Variants in DOK5 observed in about 807,000 individuals in gnomAD.
DOK5 encodes the protein docking protein 5, also known as downstream of tyrosine kinase 5.
Under a neutral mutation model 43.3 loss-of-function variants are expected in DOK5, and 27 were observed. The observed-to-expected ratio is 0.62, with a 90% CI of 0.46 to 0.86. DOK5 has a LOEUF of 0.86. Among genes scored for constraint, DOK5 ranks in the 40% least tolerant of loss-of-function variants. The pLI is 0.00. For missense variants in DOK5, 373 were observed against 392.9 expected (o/e 0.95, Z 0.43); for synonymous variants, 146 against 140.1 (o/e 1.04, Z -0.30).
Position 54,591,654 on chromosome 20 carries a change from G to A in DOK5, c.448G>A (p.Asp150Asn). 1.9e-6 allele frequency: 3 copies of A among 1,612,772 alleles called. No individual in the cohort carries two copies. The highest frequency in any genetic ancestry group is 2.5e-6 in the Non-Finnish European group (3 of 1,179,544). ...NVYLMPSPNLDVHGECALQIT... is the reference protein window; with the variant it reads ...NVYLMPSPNLNVHGECALQIT... ...GTATTTGATGCCATCTCCTAACTTA[G>A]ATGTACATGGCGAATGTGCCTTGCA... Residue 150 changes from aspartate to asparagine, a missense_variant, in exon 5 of 8, where the codon GAT becomes AAT. By Grantham distance (23) the Asp-to-Asn change is conservative (BLOSUM62 1). Coordinates refer to ENST00000262593, the MANE Select transcript of DOK5 (RefSeq NM_018431.5).
chr20:54,503,923 G>A (rs111397952), intron 1 of DOK5, among the ~76,000 whole-genome samples: 202 of 152,316 alleles, frequency 1.3e-3, no homozygotes, highest in African/African-American at 3.5e-3. Context: ...CAAAGATGGG[G>A]TCATCTTGTA....
intron 1 of DOK5, among the ~76,000 whole-genome samples, chr20:54,515,882 G>A (rs986337880): frequency 6.6e-6 from 1 of 152,212 alleles, no homozygotes; most frequent in African/African-American, 2.4e-5. Flanking sequence ...GTGATGGCAT[G>A]AATGTTCAAC....
intron 2 of DOK5, among the ~76,000 whole-genome samples, chr20:54,565,791 G>C (rs1376919761): frequency 6.6e-6 from 1 of 152,148 alleles, no homozygotes; most frequent in African/African-American, 2.4e-5. Flanking sequence ...GGGAGGCCGA[G>C]GCAGGCGGAT....
intron 1 of DOK5, among the ~76,000 whole-genome samples, chr20:54,480,276 G>A (rs911990516): frequency 6.6e-6 from 1 of 152,086 alleles, no homozygotes; most frequent in Non-Finnish European, 1.5e-5. Context: ...ATAGGAGGTC[G>A]GCACAAGATA....
At chr20:54,528,818 T>A (rs1983666371) in intron 1 of DOK5, among the ~76,000 whole-genome samples, 1 of 152,146 alleles carries the variant, frequency 6.6e-6, no homozygotes, top group Non-Finnish European at 1.5e-5. Context: ...CTTTATATAC[T>A]TTTGTACTGT....
At chr20:54,647,521 A>C (rs894199761) in intron 7 of DOK5, among the ~76,000 whole-genome samples, 5 of 150,900 alleles carry the variant, frequency 3.3e-5, no homozygotes, top group South Asian at 4.1e-4. Flanking sequence ...AAAAAAAAAA[A>C]AACAAAAAAA....
chr20:54,588,349 A>G (rs1568797799), intron 2 of DOK5, 134 bp from the exon 3 acceptor site: 3 of 677,374 alleles, frequency 4.4e-6, no homozygotes, highest in African/African-American at 1.8e-5. Flanking sequence ...CTTAGCTTTC[A>G]GATGTAGATA....
chr20:54,637,148 C>CAGAA lies in DOK5; in HGVS notation c.736-6310_736-6309insAGAA, dbSNP rs879448142. Among the ~76,000 whole-genome samples, 771 of 152,334 alleles carry CAGAA rather than the reference C, an allele frequency of 5.1e-3. 5 individuals are homozygous for CAGAA. Among genetic ancestry groups the CAGAA allele is most frequent in the Non-Finnish European group, 8.0e-3 (545 of 68,024 alleles). ...CCATGAAGCAAAGCGTCTTCTGCTT[C>CAGAA]TACATTGTAACATGGGTCTCGTACT... is the stretch of plus-strand genomic sequence containing the variant. On this transcript the variant is annotated intron_variant, in intron 6 of 7. Coordinates refer to ENST00000262593, the MANE Select transcript of DOK5 (RefSeq NM_018431.5).
At chr20:54,601,860 T>A (rs530136329) in intron 5 of DOK5, among the ~76,000 whole-genome samples, 1 of 152,386 alleles carries the variant, frequency 6.6e-6, no homozygotes, top group East Asian at 1.9e-4. Flanking sequence ...TAGTTTTTCT[T>A]TAATTAAAGC....
At chr20:54,575,005 C>T (rs1217382385) in intron 2 of DOK5, among the ~76,000 whole-genome samples, 1 of 152,158 alleles carries the variant, frequency 6.6e-6, no homozygotes, top group East Asian at 1.9e-4. Context: ...CATGTGAAGT[C>T]CTCAACATCA....
At chr20:54,620,575 A>G (rs1454989551) in intron 6 of DOK5, among the ~76,000 whole-genome samples, 1 of 152,202 alleles carries the variant, frequency 6.6e-6, no homozygotes, top group Non-Finnish European at 1.5e-5. Context: ...CCATTTAAAT[A>G]AGGAGTTTTA....
rs183238296 is a variant in DOK5, at chr20:54,560,454, A to G, written c.174+5414A>G. Among the ~76,000 whole-genome samples, 161 of 152,306 alleles carry G rather than the reference A, an allele frequency of 1.1e-3. 1 individual carries two copies. The highest frequency in any genetic ancestry group is 3.0e-3 in the Admixed American group (46 of 15,296). On this transcript the variant is annotated intron_variant, in intron 2 of 7. Transcript: ENST00000262593. ...AAATAATTCCATATCCACATTTCTA[A>G]GGCTTAGGTAAATTAGATAAAAGAG... is the stretch of plus-strand genomic sequence containing the variant.
intron 2 of DOK5, among the ~76,000 whole-genome samples, chr20:54,569,447 T>C (rs1600708043): frequency 6.6e-6 from 1 of 152,298 alleles, no homozygotes; most frequent in African/African-American, 2.4e-5. Context: ...CCCAAATTGG[T>C]GGACAAAAAT....
intron 1 of DOK5, among the ~76,000 whole-genome samples, chr20:54,517,456 T>G (rs1311084365): frequency 6.6e-6 from 1 of 152,214 alleles, no homozygotes; most frequent in African/African-American, 2.4e-5. Flanking sequence ...GTTTCATATG[T>G]TTTAGTTTAA....
chr20:54,576,712 C>T (rs1985464363), intron 2 of DOK5, among the ~76,000 whole-genome samples: 1 of 152,152 alleles, frequency 6.6e-6, no homozygotes, highest in Non-Finnish European at 1.5e-5. Flanking sequence ...TGGCAGCCTG[C>T]GTGGGCTTTA....
chr20:54,599,858 A>C (rs1986254385), intron 5 of DOK5, among the ~76,000 whole-genome samples: 1 of 152,350 alleles, frequency 6.6e-6, no homozygotes, highest in East Asian at 1.9e-4. Flanking sequence ...TAAGCACTGC[A>C]GATGTAGCAG....
intron 6 of DOK5, among the ~76,000 whole-genome samples, chr20:54,631,603 C>T (rs1232104248): frequency 6.6e-6 from 1 of 151,988 alleles, no homozygotes; most frequent in African/African-American, 2.4e-5. Context: ...TAAAATCTAC[C>T]TTATATGTTT....
Position 54,610,453 on chromosome 20 carries a change from A to G in DOK5, c.665A>G (p.Lys222Arg). The change falls in exon 6 of 8, where the codon AAA becomes AGA. Residue 222 changes from lysine to arginine, a missense_variant. By Grantham distance (26) the Lys-to-Arg change is conservative. Coordinates refer to ENST00000262593, the MANE Select transcript of DOK5 (RefSeq NM_018431.5). ...CGAGACGGGGAGGCCATCTATCAGAAAGTCCACTCTGCTGCCTTGGCCATA... is the reference window on the plus strand; with the variant it reads ...CGAGACGGGGAGGCCATCTATCAGAGAGTCCACTCTGCTGCCTTGGCCATA... ...QTRDGEAIYQ[K>R]VHSAALAIAE... 6.3e-7 allele frequency: 1 copy of G among 1,596,730 alleles called. No individual in the cohort carries two copies. Among genetic ancestry groups the G allele is most frequent in the Non-Finnish European group, 8.5e-7 (1 of 1,171,594 alleles).
intron 5 of DOK5, among the ~76,000 whole-genome samples, chr20:54,600,298 G>T (rs1189730226): frequency 6.6e-6 from 1 of 152,072 alleles, no homozygotes; most frequent in African/African-American, 2.4e-5. Context: ...CTGATGGGGA[G>T]CCCTCAGGGG....
Sources: allele counts gnomAD v4.1 joint callset (sites outside exome capture counted in the v4.1 genomes callset), GRCh38; gene constraint gnomAD v4.1.1; transcripts MANE v1.5; gene names NCBI Gene and HGNC (gene_info 2026-07-23, HGNC 2026-07-21).